The following UBR7 variants were observed in gnomAD, a reference collection of about 807,000 sequenced individuals.
The protein encoded by UBR7 is ubiquitin protein ligase E3 component n-recognin 7, also known as putative E3 ubiquitin-protein ligase UBR7.
Under a neutral mutation model 57.0 loss-of-function variants are expected in UBR7, and 22 were observed. The ratio of observed to expected loss-of-function variants is 0.39; its 90% CI spans 0.28 to 0.55. The LOEUF (loss-of-function observed/expected upper bound fraction) is 0.55, where lower values mean the gene tolerates loss of function less well. UBR7 is among the 20% of genes least tolerant of loss of function. The pLI, the probability that UBR7 is intolerant of heterozygous loss-of-function variation, is 0.69. For missense variants in UBR7, 395 were observed against 513.2 expected (o/e 0.77, Z 2.23); for synonymous variants, 167 against 179.8 (o/e 0.93, Z 0.57).
At chr14:93,223,292 G>A (rs1894748802) in intron 10 of UBR7, among the ~76,000 whole-genome samples, 1 of 151,346 alleles carries the variant, frequency 6.6e-6, no homozygotes, top group Non-Finnish European at 1.5e-5. Context: ...GCTACTCCGA[G>A]GCTGAGGCAG....
In UBR7 at chr14:93,223,719, G is replaced by A. The variant is rs1272119196; in HGVS notation, c.1185+1345G>A. ...GAACTGCTTGATGGCCGGCCGGCTG[G>A]CGGCACTTGCTGGCTGCGATCTCCT... is the stretch of plus-strand genomic sequence containing the variant. On this transcript the variant is annotated intron_variant, in intron 10 of 10. Coordinates refer to ENST00000013070, the MANE Select transcript of UBR7 (RefSeq NM_175748.4). The A allele has an allele frequency of 8.1e-6, 7 of 864,240 alleles. No homozygotes were observed. In the East Asian group the frequency reaches 1.5e-4, roughly 19 times the overall value. 53.5% of individuals were successfully genotyped at this position (864,240 alleles called of 1,614,324 possible).
In UBR7 at chr14:93,212,102, G is replaced by A. The variant is rs758962649; in HGVS notation, c.416G>A (p.Arg139Lys). ...TTTGGATTGTACTGCATTTGCAAGA[G>A]ACCTTATCCTGATCCTGAAGACGAG... is the stretch of plus-strand genomic sequence containing the variant. ...NFFGLYCICK[R>K]PYPDPEDEIP... Residue 139 changes from arginine to lysine, a missense_variant, in exon 4 of 11, where the codon AGA (arginine) becomes AAA (lysine). Arg to Lys is a conservative substitution (Grantham distance 26, BLOSUM62 2). Transcript: ENST00000013070. 1 of 1,612,750 alleles carries A rather than the reference G, an allele frequency of 6.2e-7. No individual in the cohort carries two copies. The highest frequency in any genetic ancestry group is 1.3e-5 in the African/African-American group (1 of 75,038).
intron 6 of UBR7, among the ~76,000 whole-genome samples, chr14:93,217,259 T>G (rs1352069266): frequency 6.6e-6 from 1 of 152,202 alleles, no homozygotes; most frequent in African/African-American, 2.4e-5. Flanking sequence ...ACTCCTGACC[T>G]CAGGTGATCC....
At chr14:93,223,795 A>G (rs1894768718) in intron 10 of UBR7, 4 of 742,248 alleles carry the variant, frequency 5.4e-6, no homozygotes, top group African/African-American at 1.7e-5. Flanking sequence ...CCAGGCGCCC[A>G]TAGACCTCTC....
rs1380646649 is a variant in UBR7, at chr14:93,215,293, TG to T, written c.601+13del. On this transcript the variant is annotated intron_variant, in intron 6 of 10. Transcript: ENST00000013070. ...TGCACAATTGGCAGGTAGGTATCTT[TG>T]TGAAGTTGGTGTGCCACAAACTTGT... 5 of 1,561,990 alleles carry T rather than the reference TG, an allele frequency of 3.2e-6. No homozygotes were observed. The highest frequency in any genetic ancestry group is 4.3e-6 in the Non-Finnish European group (5 of 1,150,960).
intron 10 of UBR7, chr14:93,223,919 G>C: frequency 1.4e-6 from 1 of 724,844 alleles, no homozygotes; most frequent in South Asian, 1.4e-5. Context: ...CTTGACCCGC[G>C]GTGGGGACTT....
intron 6 of UBR7, among the ~76,000 whole-genome samples, 197 bp from the exon 7 acceptor site, chr14:93,218,330 G>T (rs1229720635): frequency 1.3e-5 from 2 of 152,030 alleles, no homozygotes; most frequent in Non-Finnish European, 2.9e-5. Flanking sequence ...AGAATTGCTT[G>T]AACCTGGGAG....
intron 6 of UBR7, among the ~76,000 whole-genome samples, chr14:93,217,457 C>T (rs1894613253): frequency 6.6e-6 from 1 of 152,174 alleles, no homozygotes; most frequent in South Asian, 2.1e-4. Context: ...TCTTCTCTGT[C>T]TCAGAGTATA....
chr14:93,221,861 T>TCCCG (rs1327140893), intron 9 of UBR7, among the ~76,000 whole-genome samples: 1 of 152,022 alleles, frequency 6.6e-6, no homozygotes, highest in African/African-American at 2.4e-5. Context: ...CGCGTGCCTG[T>TCCCG]AGTCCCAGCT....
At chr14:93,221,023 G>GC (rs1894694762) in intron 9 of UBR7, among the ~76,000 whole-genome samples, 1 of 151,984 alleles carries the variant, frequency 6.6e-6, no homozygotes, top group Non-Finnish European at 1.5e-5. Flanking sequence ...TCAGCTCACT[G>GC]CAACCTCTGC....
At chr14:93,207,719 C>G (rs1016191016) in intron 1 of UBR7, among the ~76,000 whole-genome samples, 19 of 152,174 alleles carry the variant, frequency 1.2e-4, no homozygotes, top group Non-Finnish European at 4.4e-5. Context: ...TCTGTCCGTC[C>G]TCTCCAGCCT....
At chr14:93,211,977 G>A (rs747662610) in intron 3 of UBR7, 55 bp from the exon 4 acceptor site, 21 of 1,347,526 alleles carry the variant, frequency 1.6e-5, no homozygotes, top group Non-Finnish European at 2.1e-5. Flanking sequence ...TATAATGTGT[G>A]AAATTATAGT....
chr14:93,208,067 A>G (rs890305423), intron 1 of UBR7, among the ~76,000 whole-genome samples: 12 of 151,992 alleles, frequency 7.9e-5, no homozygotes, highest in Non-Finnish European at 1.3e-4. Context: ...CTGGCAAGGG[A>G]GGGGAGAGAG....
intron 2 of UBR7, among the ~76,000 whole-genome samples, 196 bp from the exon 3 acceptor site, chr14:93,210,452 T>C (rs1176219774): frequency 6.6e-6 from 1 of 152,222 alleles, no homozygotes; most frequent in Non-Finnish European, 1.5e-5. Context: ...AAAAACATAA[T>C]ATGGTACAAA....
chr14:93,209,253 C>T (rs576759961), intron 1 of UBR7, among the ~76,000 whole-genome samples: 2 of 152,358 alleles, frequency 1.3e-5, no homozygotes, highest in East Asian at 3.9e-4. Flanking sequence ...CAGCAGGCAT[C>T]TCCTAAAAAT....
rs1894870869 is a variant in UBR7 at position 93,227,111 on chromosome 14, A to T, written c.*76A>T. On this transcript the variant is annotated 3_prime_UTR_variant, in exon 11 of 11. Coordinates refer to ENST00000013070, the MANE Select transcript of UBR7 (RefSeq NM_175748.4). ...TCTTGGAATAAAAGAGGTGTGGTTC[A>T]CATTTGGCCCCCTTTCCGTCCTCCT... 1.7e-6 allele frequency: 2 copies of T among 1,202,254 alleles called. No homozygotes were observed. The highest frequency in any genetic ancestry group is 1.8e-5 in the Admixed American group (1 of 56,580). The allele number at this position is 1,202,254 out of a possible 1,614,324, so 74.5% of individuals were successfully genotyped here.
chr14:93,220,209 G>T, intron 8 of UBR7, 40 bp from the exon 9 acceptor site: 1 of 1,583,240 alleles, frequency 6.3e-7, no homozygotes, highest in Non-Finnish European at 8.6e-7. Context: ...TTCTAATGGG[G>T]AAACTCCTCT....
chr14:93,227,923 T>A lies in UBR7; in HGVS notation c.*888T>A. ...TTCTTGATATTATCAGGGATATTCA[T>A]AAGCATATATCAAAAATGGACCTAT... is the stretch of plus-strand genomic sequence containing the variant. On this transcript the variant is annotated 3_prime_UTR_variant, in exon 11 of 11. Transcript: ENST00000013070. 1.4e-6 allele frequency: 1 copy of A among 700,836 alleles called. No individual in the cohort carries two copies. The highest frequency in any genetic ancestry group is 2.6e-6 in the Non-Finnish European group (1 of 384,824). 43.4% of individuals were successfully genotyped at this position (700,836 alleles called of 1,614,324 possible).
chr14:93,225,065 CTCTTTAGGAG>C (rs930723911), intron 10 of UBR7, among the ~76,000 whole-genome samples: 1 of 152,186 alleles, frequency 6.6e-6, no homozygotes, highest in Non-Finnish European at 1.5e-5. Flanking sequence ...ACTAGCGCCA[CTCTTTAGGAG>C]TCTTTAGGAG....
Sources: allele counts gnomAD v4.1 joint callset (sites outside exome capture counted in the v4.1 genomes callset), GRCh38; gene constraint gnomAD v4.1.1; transcripts MANE v1.5; gene names NCBI Gene and HGNC (gene_info 2026-07-23, HGNC 2026-07-21).